Variants in EPM2A observed in about 807,000 individuals in gnomAD.
EPM2A encodes the protein laforin.
A neutral mutation model predicts 26.5 loss-of-function variants in EPM2A; 21 were observed. That is an observed-to-expected ratio of 0.79 (90% confidence interval 0.56 to 1.14). The LOEUF is 1.14. Ranked by LOEUF, EPM2A falls within the 50% of genes most tolerant of loss-of-function variation. The pLI, the probability that EPM2A is intolerant of heterozygous loss-of-function variation, is 0.00. For synonymous variants in EPM2A, 217 were observed against 177.6 expected, an observed-to-expected ratio of 1.22 and a Z score of -1.76; for missense variants, 458 against 440.8, an observed-to-expected ratio of 1.04 and a Z score of -0.35.
chr6:145,536,543 C>T lies in EPM2A; in HGVS notation c.341-33968G>A, dbSNP rs145261581. 4.7e-3 allele frequency among the ~76,000 whole-genome samples: 721 copies of T among 152,154 alleles called. 25 individuals are homozygous for T. The East Asian group carries it at 0.084, about 18-fold the overall frequency. ...AACTCTTGACCTCAAGTGATCCACC[C>T]GCCTCGGCCTCCAAAAGTGCTGGGA... On this transcript the variant is annotated intron_variant, in intron 2 of 3. Transcript: ENST00000450221.
chr6:145,422,985 T>C (rs995247148), intron 4 of EPM2A, among the ~76,000 whole-genome samples: 2 of 152,172 alleles, frequency 1.3e-5, no homozygotes, highest in Admixed American at 1.3e-4. Flanking sequence ...ATTGTCAATA[T>C]AATAAATGAT....
At chr6:145,544,805 G>A (rs382910) in intron 2 of EPM2A, among the ~76,000 whole-genome samples, 69,889 of 151,922 alleles carry the variant, frequency 0.46, 16,083 homozygotes, top group South Asian at 0.59. Context: ...AGAAATAGTA[G>A]ATGCTCAGCA....
chr6:145,600,007 CAT>C (rs1781396425), intron 2 of EPM2A, among the ~76,000 whole-genome samples: 1 of 152,018 alleles, frequency 6.6e-6, no homozygotes, highest in Non-Finnish European at 1.5e-5. Flanking sequence ...TATTTTCTAA[CAT>C]GTCATTTCTG....
At chr6:145,585,145 T>A (rs1408387063) in intron 2 of EPM2A, among the ~76,000 whole-genome samples, 1 of 152,190 alleles carries the variant, frequency 6.6e-6, no homozygotes, top group Non-Finnish European at 1.5e-5. Flanking sequence ...TTTTTCTTTA[T>A]CACTGATTTC....
chr6:145,500,279 T>A (rs1331672195), downstream of EPM2A, among the ~76,000 whole-genome samples: 1 of 152,214 alleles, frequency 6.6e-6, no homozygotes, highest in African/African-American at 2.4e-5. Context: ...TGACAGAGTC[T>A]TGATTCCAGA....
intron 2 of EPM2A, among the ~76,000 whole-genome samples, chr6:145,578,657 G>T (rs779824414): frequency 1.3e-5 from 2 of 151,380 alleles, no homozygotes; most frequent in Non-Finnish European, 2.9e-5. Context: ...AAATTTAGCA[G>T]GAGGAGAAGT....
intron 4 of EPM2A, among the ~76,000 whole-genome samples, chr6:145,487,455 A>T (rs981070289): frequency 6.6e-6 from 1 of 152,128 alleles, no homozygotes; most frequent in Non-Finnish European, 1.5e-5. Context: ...TTACACTCTC[A>T]CCAACAGTGT....
At chr6:145,572,871 T>C (rs566682961) in intron 2 of EPM2A, among the ~76,000 whole-genome samples, 1 of 152,330 alleles carries the variant, frequency 6.6e-6, no homozygotes, top group South Asian at 2.1e-4. Flanking sequence ...ATAAATGGGC[T>C]GGAGTAGCAC....
rs186119411 is a variant in EPM2A at position 145,580,959 on chromosome 6, A to G, written c.340+54286T>C. 6.6e-5 allele frequency among the ~76,000 whole-genome samples: 10 copies of G among 152,216 alleles called. No individual in the cohort carries two copies. The East Asian group carries it at 1.9e-3, about 29-fold the overall frequency. Reference sequence around the variant, plus strand: ...TTGATTCCATGTCTTTGCTTTTTTGAATAGTGCTTTGATGAACATAGGCAT... The same window carrying G: ...TTGATTCCATGTCTTTGCTTTTTTGGATAGTGCTTTGATGAACATAGGCAT... On this transcript the variant is annotated intron_variant, in intron 2 of 3. Coordinates refer to the EPM2A transcript ENST00000450221.
At chr6:145,408,506 A>G in intron 4 of EPM2A, among the ~76,000 whole-genome samples, 1 of 152,190 alleles carries the variant, frequency 6.6e-6, no homozygotes, top group Non-Finnish European at 1.5e-5. Flanking sequence ...TCTGGGTTTC[A>G]TAAATGGTTC....
intron 2 of EPM2A, among the ~76,000 whole-genome samples, chr6:145,674,501 C>T (rs1460598439): frequency 6.6e-6 from 1 of 151,944 alleles, no homozygotes; most frequent in African/African-American, 2.4e-5. Context: ...CCGAGCCAAA[C>T]GAACATGTCC....
intron 2 of EPM2A, among the ~76,000 whole-genome samples, chr6:145,583,772 CAT>C (rs1414901737): frequency 3.0e-4 from 45 of 152,376 alleles, no homozygotes; most frequent in African/African-American, 1.1e-3. Context: ...AGAGTGCCCA[CAT>C]GTCAGCAGAG....
intron 2 of EPM2A, among the ~76,000 whole-genome samples, chr6:145,680,623 T>C (rs557836388): frequency 6.5e-4 from 98 of 150,980 alleles, no homozygotes; most frequent in African/African-American, 2.3e-3. Flanking sequence ...TTCCCACCTA[T>C]GAGTGAGAAC....
At chr6:145,519,033 C>T (rs1450438373) in intron 2 of EPM2A, among the ~76,000 whole-genome samples, 2 of 152,140 alleles carry the variant, frequency 1.3e-5, no homozygotes, top group African/African-American at 4.8e-5. Flanking sequence ...CTGCCAGAGC[C>T]CAGCATTGCA....
chr6:145,431,767 G>A (rs140489490), intron 4 of EPM2A, among the ~76,000 whole-genome samples: 1 of 152,264 alleles, frequency 6.6e-6, no homozygotes, highest in African/African-American at 2.4e-5. Context: ...TAGCCACACC[G>A]ATGGACTCTT....
chr6:145,407,670 G>C (rs1459322882), intron 4 of EPM2A, among the ~76,000 whole-genome samples: 1 of 152,076 alleles, frequency 6.6e-6, no homozygotes, highest in Non-Finnish European at 1.5e-5. Flanking sequence ...TCCCTTTATA[G>C]CTTTAAATAA....
At chr6:145,654,477 T>C in intron 2 of EPM2A, among the ~76,000 whole-genome samples, 1 of 152,176 alleles carries the variant, frequency 6.6e-6, no homozygotes, top group East Asian at 1.9e-4. Flanking sequence ...AACATACTAA[T>C]TTCACTTTCT....
chr6:145,615,671 A>T (rs977449793), intron 2 of EPM2A, among the ~76,000 whole-genome samples: 1 of 152,058 alleles, frequency 6.6e-6, no homozygotes, highest in African/African-American at 2.4e-5. Flanking sequence ...CAAAATGCTG[A>T]TAGTGATATG....
At chr6:145,483,829 T>C (rs752481933) in intron 4 of EPM2A, among the ~76,000 whole-genome samples, 5 of 152,178 alleles carry the variant, frequency 3.3e-5, no homozygotes, top group Non-Finnish European at 7.4e-5. Flanking sequence ...ATCTCTAGTT[T>C]GTTGCCAAGG....
Sources: gnomAD v4.1 joint callset for allele counts (sites outside exome capture counted in the v4.1 genomes callset) on GRCh38, gnomAD v4.1.1 for gene constraint, MANE v1.5 for transcripts, NCBI Gene and HGNC (gene_info 2026-07-23, HGNC 2026-07-21) for gene names.